Variants in NAALADL2 observed in about 807,000 individuals in gnomAD.
NAALADL2 encodes the protein N-acetylated alpha-linked acidic dipeptidase like 2.
A neutral mutation model predicts 87.2 loss-of-function variants in NAALADL2; 76 were observed. The observed-to-expected ratio is 0.87, with a 90% CI of 0.72 to 1.05. NAALADL2 has a LOEUF of 1.05. Among genes scored for constraint, NAALADL2 ranks in the 50% least tolerant of loss-of-function variants. NAALADL2 has a pLI of 0.00. For missense variants in NAALADL2, 1,089 were observed against 945.8 expected (o/e 1.15, Z -1.99); for synonymous variants, 354 against 331.0 (o/e 1.07, Z -0.75).
chr3:175,065,780 T>C (rs1286434373), intron 1 of NAALADL2, among the ~76,000 whole-genome samples: 2 of 152,230 alleles, frequency 1.3e-5, no homozygotes, highest in Non-Finnish European at 2.9e-5. Context: ...TGCACTGTTA[T>C]AAACCGTGTT....
At chr3:175,529,081 A>G (rs924678358) in intron 9 of NAALADL2, among the ~76,000 whole-genome samples, 4 of 152,156 alleles carry the variant, frequency 2.6e-5, no homozygotes, top group African/African-American at 7.2e-5. Context: ...ATTGAGCTAT[A>G]ATTTCCCATT....
intron 2 of NAALADL2, among the ~76,000 whole-genome samples, chr3:175,221,785 A>ATTTATTTATTTG (rs1402981942): frequency 6.6e-6 from 1 of 150,498 alleles, no homozygotes; most frequent in African/African-American, 2.5e-5. Context: ...TTATTTATTT[A>ATTTATTTATTTG]TTTTTTTGGA....
intron 2 of NAALADL2, among the ~76,000 whole-genome samples, chr3:174,624,966 G>T (rs908558215): frequency 6.7e-6 from 1 of 149,804 alleles, no homozygotes; most frequent in Non-Finnish European, 1.5e-5. Context: ...TCTTGGTAGC[G>T]TTTTCATGCA....
At chr3:174,954,370 AC>A (rs1311255545) in intron 1 of NAALADL2, among the ~76,000 whole-genome samples, 1 of 152,086 alleles carries the variant, frequency 6.6e-6, no homozygotes, top group Admixed American at 6.6e-5. Context: ...TTAAATGAAA[AC>A]TGTACTGCAT....
chr3:174,982,872 A>G (rs1387774246), intron 1 of NAALADL2, among the ~76,000 whole-genome samples: 1 of 151,814 alleles, frequency 6.6e-6, no homozygotes, highest in African/African-American at 2.4e-5. Context: ...ATCTCCGCTC[A>G]CTGCAAGCTC....
chr3:175,148,128 T>TAA (rs879877551), intron 2 of NAALADL2, among the ~76,000 whole-genome samples: 2,232 of 131,354 alleles, frequency 0.017, 28 homozygotes, highest in South Asian at 0.069. Flanking sequence ...AATAATAAAA[T>TAA]AATAATAATA....
At chr3:175,737,489 T>C (rs1744653288) in intron 12 of NAALADL2, 90 bp downstream of exon 12, 1 of 801,730 alleles carries the variant, frequency 1.2e-6, no homozygotes, top group Non-Finnish European at 2.1e-6. Flanking sequence ...TCAATGATCT[T>C]ACTAGCCATG....
At chr3:174,884,544 GAC>G (rs1729824142) in intron 1 of NAALADL2, among the ~76,000 whole-genome samples, 1 of 152,120 alleles carries the variant, frequency 6.6e-6, no homozygotes, top group African/African-American at 2.4e-5. Context: ...TCGTGGATAA[GAC>G]ATTCTATGAG....
chr3:175,754,171 TA>T (rs1161492272), intron 12 of NAALADL2, among the ~76,000 whole-genome samples: 1 of 152,168 alleles, frequency 6.6e-6, no homozygotes, highest in Non-Finnish European at 1.5e-5. Flanking sequence ...GAACAAGTAT[TA>T]ATCATTTAAT....
At chr3:175,684,460 C>T (rs1024960142) in intron 11 of NAALADL2, among the ~76,000 whole-genome samples, 2 of 151,914 alleles carry the variant, frequency 1.3e-5, no homozygotes, top group Non-Finnish European at 2.9e-5. Context: ...TTTCTAAATC[C>T]CAAACAGCTA....
Position 175,049,762 on chromosome 3 carries a change from G to A in NAALADL2, c.44-47028G>A, listed in dbSNP as rs568818387. Among the ~76,000 whole-genome samples the A allele has an allele frequency of 2.6e-4, 39 of 152,286 alleles. 1 individual carries two copies. In the South Asian group the frequency reaches 7.3e-3, roughly 28 times the overall value. ...CACATAACCTCCCATAGCTGCAAGAGAGTCAGAAAAATCAAGCATTAAGCT... is the reference window on the plus strand; with the variant it reads ...CACATAACCTCCCATAGCTGCAAGAAAGTCAGAAAAATCAAGCATTAAGCT... On this transcript the variant is annotated intron_variant, in intron 1 of 13. Transcript: ENST00000454872.
chr3:174,509,404 C>CTTT (rs34028719), intron 1 of NAALADL2, among the ~76,000 whole-genome samples: 11 of 106,938 alleles, frequency 1.0e-4, no homozygotes, highest in East Asian at 2.5e-4. Flanking sequence ...TCCTTTCTTT[C>CTTT]TTTTTTTTTT....
chr3:174,944,878 G>A (rs1427641293), intron 1 of NAALADL2, among the ~76,000 whole-genome samples: 1 of 152,134 alleles, frequency 6.6e-6, no homozygotes, highest in East Asian at 1.9e-4. Context: ...TCACTCCCCA[G>A]TGGGCCATCA....
chr3:175,406,379 A>C (rs1712379533), intron 5 of NAALADL2, among the ~76,000 whole-genome samples: 1 of 152,194 alleles, frequency 6.6e-6, no homozygotes, highest in Admixed American at 6.5e-5. Context: ...CAACATTTTT[A>C]GAACTCTGTG....
chr3:175,219,348 G>A (rs1051045065), intron 2 of NAALADL2, among the ~76,000 whole-genome samples: 8 of 151,848 alleles, frequency 5.3e-5, no homozygotes, highest in African/African-American at 9.7e-5. Context: ...TATTTTCTGG[G>A]AGACCACCTT....
intron 2 of NAALADL2, among the ~76,000 whole-genome samples, chr3:174,596,428 T>C (rs564920112): frequency 2.0e-5 from 3 of 152,218 alleles, no homozygotes; most frequent in Non-Finnish European, 4.4e-5. Flanking sequence ...ATTCACTGTT[T>C]TGTTTTTACA....
At chr3:174,766,188 A>T (rs1444591114) in intron 3 of NAALADL2, among the ~76,000 whole-genome samples, 1 of 152,068 alleles carries the variant, frequency 6.6e-6, no homozygotes, top group Non-Finnish European at 1.5e-5. Context: ...CAATGTTTGC[A>T]TTCACTTCTG....
At chr3:175,286,354 C>A (rs956393469) in intron 4 of NAALADL2, among the ~76,000 whole-genome samples, 3 of 152,042 alleles carry the variant, frequency 2.0e-5, no homozygotes, top group Non-Finnish European at 4.4e-5. Context: ...CTTGATGGGC[C>A]ACGATGGGCA....
chr3:175,639,380 G>T (rs1026875082), intron 11 of NAALADL2, among the ~76,000 whole-genome samples: 4 of 143,976 alleles, frequency 2.8e-5, no homozygotes, highest in African/African-American at 1.1e-4. Flanking sequence ...GAGTGCAGTG[G>T]TGCAATCTCG....
Sources: allele counts gnomAD v4.1 joint callset (sites outside exome capture counted in the v4.1 genomes callset), GRCh38; gene constraint gnomAD v4.1.1; transcripts MANE v1.5; gene names NCBI Gene and HGNC (gene_info 2026-07-23, HGNC 2026-07-21).